The following IMMP1L variants were observed in gnomAD, a reference collection of about 807,000 sequenced individuals.
IMMP1L encodes the protein mitochondrial inner membrane protease subunit 1.
In IMMP1L, 24 loss-of-function variants were observed where a neutral mutation model predicts 21.8. The observed-to-expected ratio is 1.10, with a 90% CI of 0.80 to 1.55. The LOEUF (loss-of-function observed/expected upper bound fraction) is 1.55. Ranked by LOEUF, IMMP1L falls within the 40% of genes most tolerant of loss-of-function variation. The pLI, the probability that IMMP1L is intolerant of heterozygous loss-of-function variation, is 0.00. For missense variants in IMMP1L, 195 were observed against 200.7 expected (o/e 0.97, Z 0.17); for synonymous variants, 46 against 62.8 (o/e 0.73, Z 1.26).
chr11:31,487,061 T>C (rs1171043571), intron 1 of IMMP1L, among the ~76,000 whole-genome samples: 6 of 151,724 alleles, frequency 4.0e-5, no homozygotes, highest in Non-Finnish European at 8.8e-5. Context: ...TATATTTATG[T>C]TCCTGTATCA....
At chr11:31,493,296 C>A (rs1298700810) in intron 1 of IMMP1L, among the ~76,000 whole-genome samples, 1 of 152,052 alleles carries the variant, frequency 6.6e-6, no homozygotes, top group East Asian at 1.9e-4. Context: ...GCAAACACAT[C>A]CTTCTTCACA....
At chr11:31,455,125 T>C (rs1391602858) in intron 4 of IMMP1L, among the ~76,000 whole-genome samples, 1 of 152,182 alleles carries the variant, frequency 6.6e-6, no homozygotes, top group Non-Finnish European at 1.5e-5. Flanking sequence ...CCACAGTCTA[T>C]TACAAAATGG....
intron 1 of IMMP1L, among the ~76,000 whole-genome samples, chr11:31,498,727 T>C (rs1240058546): frequency 6.6e-6 from 1 of 152,222 alleles, no homozygotes; most frequent in East Asian, 1.9e-4. Context: ...TTGTGAATCC[T>C]AGATCTTCCA....
chr11:31,463,150 A>G, intron 2 of IMMP1L, 22 bp downstream of exon 2: 4 of 1,566,984 alleles, frequency 2.6e-6, no homozygotes, highest in Non-Finnish European at 3.5e-6. Context: ...TAAGATGAAT[A>G]TTCTTGAACA....
intron 4 of IMMP1L, among the ~76,000 whole-genome samples, chr11:31,433,928 G>A (rs1442382757): frequency 1.3e-5 from 2 of 152,088 alleles, no homozygotes; most frequent in Non-Finnish European, 2.9e-5. Flanking sequence ...ATGCGCCCTT[G>A]TGTCTCAATA....
At chr11:31,463,353 A>G (rs1954217910) in intron 1 of IMMP1L, 48 bp from the exon 2 acceptor site, 1 of 1,460,342 alleles carries the variant, frequency 6.8e-7, no homozygotes, top group Non-Finnish European at 9.1e-7. Context: ...ATTTAAAAAC[A>G]CTTAAGAAAT....
intron 1 of IMMP1L, among the ~76,000 whole-genome samples, chr11:31,465,195 A>G (rs1954290716): frequency 6.6e-6 from 1 of 152,020 alleles, no homozygotes; most frequent in Non-Finnish European, 1.5e-5. Flanking sequence ...AACCCCACCT[A>G]AAATGGCTAT....
rs148415922 is a variant in IMMP1L, at chr11:31,499,877, C to T, written c.-30+9642G>A. ...GAGAATGCTTCAGGAAGATGAGACG[C>T]TTCTTCCTGTGACTCCAAAGGGGTT... is the stretch of plus-strand genomic sequence containing the variant. On this transcript the variant is annotated intron_variant, in intron 1 of 5. Transcript: ENST00000532287. Among the ~76,000 whole-genome samples, 1,362 of 151,916 alleles carry T rather than the reference C, an allele frequency of 9.0e-3. 12 individuals are homozygous for T. The highest frequency in any genetic ancestry group is 0.027 in the South Asian group (128 of 4,802).
intron 4 of IMMP1L, among the ~76,000 whole-genome samples, chr11:31,455,696 G>GT (rs1953916123): frequency 6.6e-6 from 1 of 152,090 alleles, no homozygotes; most frequent in Non-Finnish European, 1.5e-5. Context: ...ATCTTTCCAT[G>GT]TTTTTTATGA....
In IMMP1L at chr11:31,456,876, CAAAAAAAAAAAAAAA is replaced by C. The variant is rs56849120; in HGVS notation, c.195-505_195-491del. Among the ~76,000 whole-genome samples the C allele has an allele frequency of 4.5e-4, 8 of 17,968 alleles. 1 individual carries two copies. Among genetic ancestry groups the C allele is most frequent in the African/African-American group, 7.1e-4 (4 of 5,658 alleles). 11.8% of individuals were successfully genotyped at this position (17,968 alleles called of 152,430 possible). A position where few individuals can be genotyped will look rare whatever the true frequency, so the allele number is the denominator to read the frequency against. On this transcript the variant is annotated intron_variant, in intron 3 of 5. Coordinates refer to ENST00000532287, the MANE Select transcript of IMMP1L (RefSeq NM_001304274.2). ...GGGCAACAGACTGAGACCATGTCTC[CAAAAAAAAAAAAAAA>C]AAAAAAAAAAAACCACACACACAAA...
At chr11:31,462,630 C>T (rs750542213) in intron 2 of IMMP1L, among the ~76,000 whole-genome samples, 24 of 152,100 alleles carry the variant, frequency 1.6e-4, no homozygotes, top group Non-Finnish European at 2.6e-4. Flanking sequence ...GTCTTAATTA[C>T]AGATGATTAA....
At chr11:31,463,369 T>C in intron 1 of IMMP1L, 64 bp from the exon 2 acceptor site, 5 of 1,367,030 alleles carry the variant, frequency 3.7e-6, no homozygotes, top group South Asian at 2.0e-5. Flanking sequence ...GAAATAACTA[T>C]TGTAAAATAT....
chr11:31,438,530 C>CTTT (rs1491194744), intron 4 of IMMP1L, among the ~76,000 whole-genome samples: 1 of 152,020 alleles, frequency 6.6e-6, no homozygotes, highest in Non-Finnish European at 1.5e-5. Context: ...CCAATTCATA[C>CTTT]TTTTTTTCCT....
intron 1 of IMMP1L, among the ~76,000 whole-genome samples, chr11:31,473,466 C>G (rs1954634874): frequency 6.6e-6 from 1 of 152,120 alleles, no homozygotes; most frequent in African/African-American, 2.4e-5. Flanking sequence ...CTGTTTAGGT[C>G]TAACATCCAA....
rs1291912320 is a variant in IMMP1L at position 31,496,921 on chromosome 11, T to C, written c.-30+12598A>G. Among the ~76,000 whole-genome samples, 5 of 148,142 alleles carry C rather than the reference T, an allele frequency of 3.4e-5. 1 individual carries two copies. Among genetic ancestry groups the C allele is most frequent in the African/African-American group, 1.2e-4 (5 of 40,766 alleles). ...ATATCATATATAATACAATCTTATA[T>C]ATTATATACAATGATATATCATCTA... On this transcript the variant is annotated intron_variant, in intron 1 of 5. Transcript: ENST00000532287.
At chr11:31,461,167 C>T (rs989963744) in intron 2 of IMMP1L, among the ~76,000 whole-genome samples, 3 of 152,186 alleles carry the variant, frequency 2.0e-5, no homozygotes, top group African/African-American at 7.2e-5. Context: ...TGATGATTTA[C>T]TAAATGGTAT....
intron 1 of IMMP1L, among the ~76,000 whole-genome samples, chr11:31,497,256 T>C (rs1025117473): frequency 2.0e-5 from 3 of 151,786 alleles, no homozygotes; most frequent in Non-Finnish European, 4.4e-5. Flanking sequence ...AGTTTTAATA[T>C]ATGATACAAA....
intron 1 of IMMP1L, among the ~76,000 whole-genome samples, chr11:31,490,188 C>G (rs1453055581): frequency 6.6e-6 from 1 of 152,038 alleles, no homozygotes; most frequent in African/African-American, 2.4e-5. Flanking sequence ...TGTGCACTAT[C>G]CACATTAAAA....
chr11:31,470,113 C>T (rs568604595), intron 1 of IMMP1L, among the ~76,000 whole-genome samples: 30 of 152,056 alleles, frequency 2.0e-4, no homozygotes, highest in Admixed American at 3.9e-4. Context: ...AAAATGTTAT[C>T]AGATAGAATT....
Sources: gnomAD v4.1 joint callset for allele counts (sites outside exome capture counted in the v4.1 genomes callset) on GRCh38, gnomAD v4.1.1 for gene constraint, MANE v1.5 for transcripts, NCBI Gene and HGNC (gene_info 2026-07-23, HGNC 2026-07-21) for gene names.